ACOT11: variants seen among roughly 807,000 people sequenced by gnomAD.
The protein encoded by ACOT11 is acyl-coenzyme A thioesterase 11.
Under a neutral mutation model 77.5 loss-of-function variants are expected in ACOT11, and 69 were observed. The observed-to-expected ratio is 0.89, with a 90% CI of 0.73 to 1.09. ACOT11 has a LOEUF of 1.09. ACOT11 is among the 50% of genes least tolerant of loss of function. ACOT11 has a pLI of 0.00. For missense variants in ACOT11, 766 were observed against 813.7 expected (o/e 0.94, Z 0.71); for synonymous variants, 279 against 313.0 (o/e 0.89, Z 1.15).
chr1:54,571,061 T>TTCTCTCTCTCTC (rs556109250), intron 1 of ACOT11, among the ~76,000 whole-genome samples: 19 of 149,488 alleles, frequency 1.3e-4, no homozygotes, highest in African/African-American at 4.3e-4. Flanking sequence ...AATTATGATA[T>TTCTCTCTCTCTC]TCTCTCTCTC....
chr1:54,571,073 T>C (rs112830145), intron 1 of ACOT11, among the ~76,000 whole-genome samples: 255 of 127,510 alleles, frequency 2.0e-3, no homozygotes, highest in Middle Eastern at 0.011. Flanking sequence ...CTCTCTCTCT[T>C]TTTTTTTTTT....
Position 54,551,727 on chromosome 1 carries a change from G to A in ACOT11, c.33+3385G>A, listed in dbSNP as rs953749682. Among the ~76,000 whole-genome samples, 5 of 149,488 alleles carry A rather than the reference G, an allele frequency of 3.3e-5. No homozygotes were observed. In the East Asian group the frequency reaches 7.8e-4, roughly 23 times the overall value. ...CTGTTTTTGTTTTGTTTTTGTTTTTGTTTTGTTTTGTTTTTGTTTTTGTTT... is the reference window on the plus strand; with the variant it reads ...CTGTTTTTGTTTTGTTTTTGTTTTTATTTTGTTTTGTTTTTGTTTTTGTTT... On this transcript the variant is annotated intron_variant, in intron 1 of 15. Coordinates refer to ENST00000343744, the MANE Select transcript of ACOT11 (RefSeq NM_147161.4).
chr1:54,613,449 C>T (rs547956707), downstream of ACOT11, among the ~76,000 whole-genome samples: 14 of 151,700 alleles, frequency 9.2e-5, no homozygotes, highest in African/African-American at 3.4e-4. Flanking sequence ...TTCTTCCCTT[C>T]ATGTCTTTCT....
At chr1:54,575,565 C>T (rs1411344581) in intron 1 of ACOT11, among the ~76,000 whole-genome samples, 4 of 146,332 alleles carry the variant, frequency 2.7e-5, no homozygotes, top group South Asian at 4.2e-4. Flanking sequence ...GAATTCGGAA[C>T]GCACTGAAAA....
chr1:54,598,840 CAA>C (rs898488192), intron 7 of ACOT11: 53 of 59,910 alleles, frequency 8.8e-4, no homozygotes, highest in Admixed American at 1.3e-3. Context: ...AACCCTGTCT[CAA>C]AAAAAAAAAA....
chr1:54,577,880 A>G (rs940148325), intron 1 of ACOT11, among the ~76,000 whole-genome samples: 1 of 152,212 alleles, frequency 6.6e-6, no homozygotes, highest in Non-Finnish European at 1.5e-5. Flanking sequence ...TGCCCCATGC[A>G]GCTCTGGTCC....
chr1:54,609,229 C>T lies in ACOT11; in HGVS notation c.*117C>T. 1 of 1,591,662 alleles carries T rather than the reference C, an allele frequency of 6.3e-7. No individual in the cohort carries two copies. The highest frequency in any genetic ancestry group is 1.1e-5 in the South Asian group (1 of 87,140). On this transcript the variant is annotated 3_prime_UTR_variant, in exon 16 of 16. Coordinates refer to ENST00000343744, the MANE Select transcript of ACOT11 (RefSeq NM_147161.4). The stretch of plus-strand genomic sequence containing the variant: ...TTCTTCCTGCCTCCCCGTGGGAAGC[C>T]TCCGCCCTGAGGTCCGCTGGCCCAC...
Position 54,634,653 on chromosome 1 carries a change from A to T in ACOT11, c.1783-35A>T, listed in dbSNP as rs1644320637. On this transcript the variant is annotated intron_variant, in intron 16 of 16. Transcript: ENST00000371316. ...AAAGTTGGGAAATAGGTAAAATAAT[A>T]ATTTGGGGTAGAGGTTATGCTTGCG... is the stretch of plus-strand genomic sequence containing the variant. 5.7e-6 allele frequency: 4 copies of T among 697,898 alleles called. No homozygotes were observed. In the East Asian group the frequency reaches 1.1e-4, roughly 19 times the overall value. 43.2% of individuals were successfully genotyped at this position (697,898 alleles called of 1,614,324 possible). A position where few individuals can be genotyped will look rare whatever the true frequency, so the allele number is the denominator to read the frequency against.
intron 3 of ACOT11, among the ~76,000 whole-genome samples, chr1:54,590,330 G>A (rs910343188): frequency 6.8e-6 from 1 of 146,410 alleles, no homozygotes; most frequent in Non-Finnish European, 1.5e-5. Context: ...ATTTGTTCAT[G>A]GGGGGTCGCT....
At chr1:54,633,656 C>T (rs971838503) in intron 16 of ACOT11, among the ~76,000 whole-genome samples, 3 of 152,134 alleles carry the variant, frequency 2.0e-5, no homozygotes, top group East Asian at 1.9e-4. Flanking sequence ...TGAACCTACC[C>T]GTAAAAAATT....
chr1:54,620,353 A>G (rs1376987237), intron 15 of ACOT11, among the ~76,000 whole-genome samples: 2 of 152,266 alleles, frequency 1.3e-5, no homozygotes, highest in African/African-American at 4.8e-5. Context: ...AGGAGAGTGC[A>G]GTTGCCTGAA....
chr1:54,638,149 G>GA (rs1241559995), exon 17 of ACOT11: 1 of 151,994 alleles, frequency 6.6e-6, no homozygotes, highest in African/African-American at 2.4e-5. Flanking sequence ...GAAGCGGCCA[G>GA]AAAAAATAGA....
chr1:54,623,984 GT>G (rs1330882903), intron 15 of ACOT11, among the ~76,000 whole-genome samples: 1 of 152,186 alleles, frequency 6.6e-6, no homozygotes, highest in Admixed American at 6.5e-5. Flanking sequence ...TGAGATTATG[GT>G]TAACAGATTA....
downstream of ACOT11, among the ~76,000 whole-genome samples, chr1:54,613,316 T>TTGTG (rs1460145435): frequency 6.6e-6 from 1 of 151,808 alleles, no homozygotes; most frequent in Non-Finnish European, 1.5e-5. Context: ...GAGGCGGAGG[T>TTGTG]TGTGGTGAGC....
intron 1 of ACOT11, among the ~76,000 whole-genome samples, chr1:54,579,001 C>G (rs887580649): frequency 1.3e-5 from 2 of 152,160 alleles, no homozygotes; most frequent in Admixed American, 6.5e-5. Context: ...ACTCCCAAAT[C>G]TTGAAGAATG....
At chr1:54,562,895 C>G (rs1396419490) in intron 1 of ACOT11, among the ~76,000 whole-genome samples, 2 of 138,346 alleles carry the variant, frequency 1.4e-5, no homozygotes, top group Non-Finnish European at 3.1e-5. Context: ...GGATGGCGGC[C>G]GGGCGGAGAC....
chr1:54,550,483 A>G (rs1324919050), intron 1 of ACOT11, among the ~76,000 whole-genome samples: 1 of 152,176 alleles, frequency 6.6e-6, no homozygotes, highest in African/African-American at 2.4e-5. Flanking sequence ...GCTTGGTACC[A>G]AAGCTGTTTT....
intron 3 of ACOT11, among the ~76,000 whole-genome samples, chr1:54,586,732 C>G (rs1247175298): frequency 6.6e-6 from 1 of 152,116 alleles, no homozygotes; most frequent in Non-Finnish European, 1.5e-5. Context: ...CCACACCTGG[C>G]CTTTTCTTTT....
In ACOT11 at chr1:54,558,627, T is replaced by C. The variant is rs189407117; in HGVS notation, c.33+10285T>C. On this transcript the variant is annotated intron_variant, in intron 1 of 15. Transcript: ENST00000343744. The stretch of plus-strand genomic sequence containing the variant: ...TTCCAGCCAAGGGGAACAGAATCCA[T>C]TGGCAGGCTCCAAGGCTGGGGCGAG... 9.2e-5 allele frequency among the ~76,000 whole-genome samples: 14 copies of C among 152,218 alleles called. No homozygotes were observed. In the East Asian group the frequency reaches 1.5e-3, roughly 17 times the overall value.
Sources: gnomAD v4.1 joint callset for allele counts (sites outside exome capture counted in the v4.1 genomes callset) on GRCh38, gnomAD v4.1.1 for gene constraint, MANE v1.5 for transcripts, NCBI Gene and HGNC (gene_info 2026-07-23, HGNC 2026-07-21) for gene names.